UNC80: variants seen among roughly 807,000 people sequenced by gnomAD.
UNC80 encodes the protein unc-80 subunit of NALCN channel complex, also known as protein unc-80 homolog.
A neutral mutation model predicts 384.6 loss-of-function variants in UNC80; 164 were observed. That is an observed-to-expected ratio of 0.43 (90% CI 0.38 to 0.49). The LOEUF is 0.49. Among genes scored for constraint, UNC80 ranks in the 20% least tolerant of loss-of-function variants. UNC80 has a pLI of 0.00. For synonymous variants in UNC80, 1,486 were observed against 1,527.8 expected, an observed-to-expected ratio of 0.97 and a Z score of 0.64; for missense variants, 3,330 against 4,143.0, an observed-to-expected ratio of 0.80 and a Z score of 5.39.
chr2:209,807,282 AG>A (rs1314730690), intron 7 of UNC80, among the ~76,000 whole-genome samples: 2 of 152,074 alleles, frequency 1.3e-5, no homozygotes, highest in Non-Finnish European at 2.9e-5. Flanking sequence ...AATTTTTTCC[AG>A]GAAATAACTT....
chr2:209,819,626 T>G (rs2079999275), intron 12 of UNC80, among the ~76,000 whole-genome samples: 1 of 152,140 alleles, frequency 6.6e-6, no homozygotes, highest in Admixed American at 6.6e-5. Flanking sequence ...ACTACAAACC[T>G]CCTGTGTAAC....
In UNC80 at chr2:209,926,899, G is replaced by C. The variant is rs1476475256; in HGVS notation, c.5719G>C (p.Ala1907Pro). ...CCACCATGTGCCTCAGCCCCCACAA[G>C]CAGTGTTCCCAGCATGCATCTGTGC... Reference protein sequence around the residue: ...PNHHVPQPPQAVFPACICAAV... With the variant: ...PNHHVPQPPQPVFPACICAAV... Residue 1907 changes from alanine to proline, a missense_variant, in exon 36 of 65, where the codon GCA becomes CCA. Ala to Pro is a conservative substitution (Grantham distance 27, BLOSUM62 -1). Around this residue, in one of 8 missense-constraint regions of UNC80, gnomAD observed 1,049 missense variants for 1,488.6 expected, o/e 0.70. Transcript: ENST00000673920. 2 of 1,552,120 alleles carry C rather than the reference G, an allele frequency of 1.3e-6. No homozygotes were observed. The highest frequency in any genetic ancestry group is 4.9e-5 in the East Asian group (2 of 40,924).
At position 209,982,316 on chromosome 2, in the gene UNC80, A is replaced by G; in HGVS notation, c.9256A>G (p.Ser3086Gly). 1 of 1,550,926 alleles carries G rather than the reference A, an allele frequency of 6.4e-7. No individual in the cohort carries two copies. The highest frequency in any genetic ancestry group is 8.7e-7 in the Non-Finnish European group (1 of 1,146,706). ...TGAGGTGGGCATGCTACCCAGCCAG[A>G]GGTAAACAGCTATGGTTATACTGTA... Reference protein sequence around the residue: ...QAEVGMLPSQSEPNVLDDSQG... With the variant: ...QAEVGMLPSQGEPNVLDDSQG... The change falls in exon 60 of 65, where the codon AGT becomes GGT. Residue 3086 changes from serine (S) to glycine (G), a missense_variant and splice_region_variant. By Grantham distance (56) the Ser-to-Gly change is moderately conservative. This residue lies in a region of UNC80 where 216 missense variants were observed against 245.3 expected (regional missense o/e 0.88). Transcript: ENST00000673920.
At chr2:209,880,478 A>T (rs1207437911) in intron 24 of UNC80, among the ~76,000 whole-genome samples, 1 of 152,246 alleles carries the variant, frequency 6.6e-6, no homozygotes, top group Non-Finnish European at 1.5e-5. Context: ...AGCAAGACAG[A>T]CATCCCTCAT....
intron 58 of UNC80, 64 bp downstream of exon 58, chr2:209,977,142 C>A (rs953833390): frequency 1.1e-5 from 15 of 1,398,282 alleles, no homozygotes; most frequent in African/African-American, 1.4e-5. Context: ...TACAAAGAAT[C>A]CCTCTGTCCA....
Position 209,937,642 on chromosome 2 carries a change from CG to C in UNC80, c.6465+13del. 1.3e-6 allele frequency: 2 copies of C among 1,529,670 alleles called. No homozygotes were observed. The highest frequency in any genetic ancestry group is 1.8e-6 in the Non-Finnish European group (2 of 1,126,756). 94.8% of individuals were successfully genotyped at this position (1,529,670 alleles called of 1,614,324 possible). A position where few individuals can be genotyped will look rare whatever the true frequency, so the allele number is the denominator to read the frequency against. ...TCATTCAGAAACAGGTGACAGACCA[CG>C]TCAGTTTTATTCCATGGTTTTGTCA... is the stretch of plus-strand genomic sequence containing the variant. On this transcript the variant is annotated intron_variant, in intron 42 of 64. Coordinates refer to ENST00000673920, the MANE Select transcript of UNC80 (RefSeq NM_001371986.1).
intron 9 of UNC80, among the ~76,000 whole-genome samples, chr2:209,816,040 T>G (rs113611693): frequency 0.012 from 1,827 of 152,352 alleles, 39 homozygotes; most frequent in African/African-American, 0.04. Flanking sequence ...GAACACGATA[T>G]TAACTTATTA....
intron 15 of UNC80, among the ~76,000 whole-genome samples, chr2:209,831,103 T>G (rs1465167875): frequency 2.6e-5 from 4 of 151,932 alleles, no homozygotes; most frequent in South Asian, 2.1e-4. Context: ...TTTTTTTTTT[T>G]CTTTTTTTTT....
chr2:209,909,799 T>C (rs1014335861), intron 29 of UNC80, among the ~76,000 whole-genome samples: 1 of 152,020 alleles, frequency 6.6e-6, no homozygotes, highest in African/African-American at 2.4e-5. Context: ...ATGTCATTGG[T>C]CCAAGTTCTA....
chr2:209,915,982 T>G (rs2089492503), intron 31 of UNC80, among the ~76,000 whole-genome samples: 1 of 152,244 alleles, frequency 6.6e-6, no homozygotes, highest in Non-Finnish European at 1.5e-5. Context: ...AAATACCACA[T>G]GTACTCCATG....
rs773635152 is a variant in UNC80, at chr2:209,973,278, C to A, written c.8587+8C>A. The A allele has an allele frequency of 1.3e-6, 2 of 1,550,206 alleles. No homozygotes were observed. The highest frequency in any genetic ancestry group is 8.7e-7 in the Non-Finnish European group (1 of 1,146,168). On this transcript the variant is annotated splice_region_variant and intron_variant, in intron 56 of 64. Coordinates refer to ENST00000673920, the MANE Select transcript of UNC80 (RefSeq NM_001371986.1). ...GCCAAGCAGCATACTTGGGTTGGTA[C>A]TTTCTCTCTCTCTCTCTCTGTTTGT...
chr2:209,965,964 A>C (rs929185131), intron 51 of UNC80, among the ~76,000 whole-genome samples: 2 of 150,994 alleles, frequency 1.3e-5, no homozygotes, highest in Non-Finnish European at 2.9e-5. Flanking sequence ...TTATTTTTCC[A>C]TTTATCTCAA....
chr2:209,848,334 T>C (rs2082298846), intron 21 of UNC80, among the ~76,000 whole-genome samples: 1 of 152,098 alleles, frequency 6.6e-6, no homozygotes, highest in Admixed American at 6.6e-5. Flanking sequence ...ACTGAAGGTA[T>C]TGAATTTTGA....
At chr2:209,866,221 T>C (rs1285753583) in intron 22 of UNC80, among the ~76,000 whole-genome samples, 1 of 152,190 alleles carries the variant, frequency 6.6e-6, no homozygotes, top group African/African-American at 2.4e-5. Context: ...GATAGATCTT[T>C]TCATTTTATT....
intron 7 of UNC80, among the ~76,000 whole-genome samples, chr2:209,803,107 C>A (rs2078665387): frequency 6.6e-6 from 1 of 152,188 alleles, no homozygotes; most frequent in Admixed American, 6.5e-5. Context: ...TGTCTCATTA[C>A]CTTTGTCATA....
intron 38 of UNC80, 21 bp downstream of exon 38, chr2:209,931,075 T>C: frequency 6.7e-7 from 1 of 1,503,332 alleles, no homozygotes; most frequent in African/African-American, 1.4e-5. Flanking sequence ...AATGTTCATT[T>C]CCAATTACGA....
At chr2:209,793,910 C>T in intron 7 of UNC80, 51 bp downstream of exon 7, 1 of 1,604,092 alleles carries the variant, frequency 6.2e-7, no homozygotes, top group Non-Finnish European at 8.5e-7. Context: ...CACCAAAAAT[C>T]AAATATGCAT....
intron 21 of UNC80, among the ~76,000 whole-genome samples, chr2:209,844,842 A>G (rs1166233154): frequency 1.3e-5 from 2 of 151,768 alleles, no homozygotes; most frequent in Non-Finnish European, 2.9e-5. Flanking sequence ...GCCTCAAGTG[A>G]TCCTCCTACC....
intron 31 of UNC80, among the ~76,000 whole-genome samples, chr2:209,916,122 C>T (rs1231998880): frequency 6.6e-6 from 1 of 151,948 alleles, no homozygotes. Flanking sequence ...AAGAGGAAGG[C>T]CAAAGTTAGA....
Sources: gnomAD v4.1 joint callset for allele counts (sites outside exome capture counted in the v4.1 genomes callset) on GRCh38, gnomAD v4.1.1 for gene constraint, gnomAD v4.1.1 regional missense constraint, MANE v1.5 for transcripts, NCBI Gene and HGNC (gene_info 2026-07-23, HGNC 2026-07-21) for gene names.